The following HS6ST3 variants were observed in gnomAD, a reference collection of about 807,000 sequenced individuals.
HS6ST3 encodes the protein heparan sulfate 6-O-sulfotransferase 3.
Under a neutral mutation model 36.7 loss-of-function variants are expected in HS6ST3, and 12 were observed. The observed-to-expected ratio is 0.33, with a 90% CI of 0.21 to 0.53. HS6ST3 has a LOEUF of 0.53. Ranked by LOEUF, HS6ST3 falls within the 20% of genes least tolerant of loss-of-function variation. The pLI, the probability that HS6ST3 is intolerant of heterozygous loss-of-function variation, is 0.95. For missense variants in HS6ST3, 584 were observed against 640.9 expected (o/e 0.91, Z 0.96); for synonymous variants, 240 against 257.5 (o/e 0.93, Z 0.65).
At chr13:96,348,030 G>C (rs1296751002) in intron 1 of HS6ST3, among the ~76,000 whole-genome samples, 1 of 152,112 alleles carries the variant, frequency 6.6e-6, no homozygotes, top group Non-Finnish European at 1.5e-5. Flanking sequence ...TAAATATTTG[G>C]TGAAGAAATA....
intron 1 of HS6ST3, among the ~76,000 whole-genome samples, chr13:96,327,819 A>G (rs973345636): frequency 5.3e-5 from 8 of 151,662 alleles, no homozygotes; most frequent in African/African-American, 1.9e-4. Context: ...TGAGCATGGA[A>G]TGTCCTTCCA....
At chr13:96,692,826 T>A (rs761963383) in intron 1 of HS6ST3, among the ~76,000 whole-genome samples, 1 of 152,210 alleles carries the variant, frequency 6.6e-6, no homozygotes, top group African/African-American at 2.4e-5. Context: ...ATTATTCAAA[T>A]CCAATTGCTA....
intron 1 of HS6ST3, among the ~76,000 whole-genome samples, chr13:96,459,254 C>T (rs1190525804): frequency 6.6e-6 from 1 of 151,406 alleles, no homozygotes; most frequent in Non-Finnish European, 1.5e-5. Context: ...CTAATTTTAT[C>T]ATAAATAATG....
Position 96,799,624 on chromosome 13 carries a change from A to T in HS6ST3, c.708-32866A>T, listed in dbSNP as rs573832477. On this transcript the variant is annotated intron_variant, in intron 1 of 1. Coordinates refer to ENST00000376705, the MANE Select transcript of HS6ST3 (RefSeq NM_153456.4). ...GGAAGGGGAACATCACACACTGGGG[A>T]CTGTTGTGGGGTGGAGGGAGGGGGG... Among the ~76,000 whole-genome samples the T allele has an allele frequency of 6.4e-4, 73 of 114,924 alleles. No homozygotes were observed. The East Asian group carries it at 0.019, about 31-fold the overall frequency. 75.4% of individuals were successfully genotyped at this position (114,924 alleles called of 152,430 possible).
At chr13:96,277,215 T>C (rs932590318) in intron 1 of HS6ST3, among the ~76,000 whole-genome samples, 2 of 152,210 alleles carry the variant, frequency 1.3e-5, no homozygotes, top group East Asian at 1.9e-4. Flanking sequence ...TCCAAGTCCA[T>C]GTACCCAGTG....
chr13:96,144,747 G>A lies in HS6ST3; in HGVS notation c.707+53178G>A, dbSNP rs1039658417. On this transcript the variant is annotated intron_variant, in intron 1 of 1. Coordinates refer to ENST00000376705, the MANE Select transcript of HS6ST3 (RefSeq NM_153456.4). Reference sequence around the variant, plus strand: ...TGTTGGTGTGCGCACCCATTAACTCGTCATTTAGCATTAGGTATATCACCT... The same window carrying A: ...TGTTGGTGTGCGCACCCATTAACTCATCATTTAGCATTAGGTATATCACCT... Among the ~76,000 whole-genome samples the A allele has an allele frequency of 1.1e-3, 161 of 149,180 alleles. 3 individuals carry two copies. The highest frequency in any genetic ancestry group is 3.7e-3 in the African/African-American group (151 of 40,420).
chr13:96,497,006 G>T lies in HS6ST3; in HGVS notation c.708-335484G>T, dbSNP rs78825537. On this transcript the variant is annotated intron_variant, in intron 1 of 1. Transcript: ENST00000376705. Reference sequence around the variant, plus strand: ...AATTTGGACTTAACCTTGTCTGGTGGGAATACCCAAGCTGGTCTGATATAG... The same window carrying T: ...AATTTGGACTTAACCTTGTCTGGTGTGAATACCCAAGCTGGTCTGATATAG... 1.1e-3 allele frequency among the ~76,000 whole-genome samples: 170 copies of T among 152,212 alleles called. 6 individuals are homozygous for T. In the East Asian group the frequency reaches 0.028, roughly 25 times the overall value.
intron 1 of HS6ST3, chr13:96,573,802 A>G (rs1043248534): frequency 2.6e-6 from 1 of 378,220 alleles, no homozygotes; most frequent in African/African-American, 2.1e-5. Flanking sequence ...AGCAGCAGAT[A>G]GGAGAGTGTG....
At chr13:96,291,322 C>T (rs1050119507) in intron 1 of HS6ST3, among the ~76,000 whole-genome samples, 1 of 152,248 alleles carries the variant, frequency 6.6e-6, no homozygotes, top group Admixed American at 6.5e-5. Flanking sequence ...TGGATTCTGC[C>T]AGCCTTGGGC....
intron 1 of HS6ST3, among the ~76,000 whole-genome samples, chr13:96,126,804 G>A (rs1336807015): frequency 6.6e-6 from 1 of 152,170 alleles, no homozygotes; most frequent in African/African-American, 2.4e-5. Flanking sequence ...TCAGCCTGTT[G>A]CCATGACATC....
chr13:96,195,433 T>G (rs909468546), intron 1 of HS6ST3, among the ~76,000 whole-genome samples: 2 of 152,352 alleles, frequency 1.3e-5, no homozygotes, highest in Non-Finnish European at 2.9e-5. Flanking sequence ...TCTCTGTGCA[T>G]AAGTGCGGTC....
chr13:96,534,159 AT>A (rs1653645028), intron 1 of HS6ST3, among the ~76,000 whole-genome samples: 1 of 152,158 alleles, frequency 6.6e-6, no homozygotes, highest in African/African-American at 2.4e-5. Context: ...GGCAGGGACC[AT>A]TTTACTGATG....
At chr13:96,649,548 C>G (rs1170239296) in intron 1 of HS6ST3, among the ~76,000 whole-genome samples, 1 of 152,060 alleles carries the variant, frequency 6.6e-6, no homozygotes, top group Non-Finnish European at 1.5e-5. Context: ...ACTCTTCTCT[C>G]TGTTTCATGC....
At chr13:96,509,509 G>C (rs1386780845) in intron 1 of HS6ST3, among the ~76,000 whole-genome samples, 1 of 152,084 alleles carries the variant, frequency 6.6e-6, no homozygotes, top group South Asian at 2.1e-4. Flanking sequence ...TCCATCTTGA[G>C]TTGATTTTTG....
At chr13:96,486,738 G>A (rs752651601) in intron 1 of HS6ST3, among the ~76,000 whole-genome samples, 1 of 151,782 alleles carries the variant, frequency 6.6e-6, no homozygotes, top group Non-Finnish European at 1.5e-5. Context: ...GTAAATTTAG[G>A]AGCTCTTGGA....
intron 1 of HS6ST3, among the ~76,000 whole-genome samples, chr13:96,154,074 A>G (rs982828248): frequency 1.3e-5 from 2 of 152,212 alleles, no homozygotes; most frequent in Admixed American, 6.5e-5. Flanking sequence ...GATATTTTAT[A>G]TAAAACAGCA....
chr13:96,354,739 C>T (rs2055201284), intron 1 of HS6ST3, among the ~76,000 whole-genome samples: 1 of 152,048 alleles, frequency 6.6e-6, no homozygotes, highest in Non-Finnish European at 1.5e-5. Flanking sequence ...TCTGTTTAAT[C>T]TTCAACACAA....
At chr13:96,637,232 C>T (rs903091538) in intron 1 of HS6ST3, among the ~76,000 whole-genome samples, 4 of 152,040 alleles carry the variant, frequency 2.6e-5, no homozygotes, top group African/African-American at 4.8e-5. Flanking sequence ...AAAATATTTA[C>T]CTTACCAGAT....
intron 1 of HS6ST3, among the ~76,000 whole-genome samples, chr13:96,532,063 C>A (rs1279457203): frequency 8.5e-5 from 13 of 152,150 alleles, no homozygotes; most frequent in Non-Finnish European, 2.9e-5. Flanking sequence ...ACCTGGTCCC[C>A]AGCAAGGGAA....
Sources: gnomAD v4.1 joint callset for allele counts (sites outside exome capture counted in the v4.1 genomes callset) on GRCh38, gnomAD v4.1.1 for gene constraint, MANE v1.5 for transcripts, NCBI Gene and HGNC (gene_info 2026-07-23, HGNC 2026-07-21) for gene names.